MAGEC1: variants seen among roughly 807,000 people sequenced by gnomAD.
The protein encoded by MAGEC1 is MAGE family member C1.
A neutral mutation model predicts 1.5 loss-of-function variants in MAGEC1; 3 were observed. The ratio of observed to expected loss-of-function variants is 1.97; its 90% CI spans 0.90 to 5.10. MAGEC1 has a LOEUF of 5.10. MAGEC1 is among the 30% of genes most tolerant of loss of function. The probability of loss-of-function intolerance (pLI) is 0.02; values close to 1 mark genes in which losing one functional copy is unlikely to be tolerated. For synonymous variants in MAGEC1, 357 were observed against 310.4 expected (o/e 1.15, Z -1.58); for missense variants, 985 against 803.1 (o/e 1.23, Z -2.74).
In MAGEC1 at chrX:141,908,079, C is replaced by A. The variant is rs1379759152; in HGVS notation, c.2675C>A (p.Thr892Lys). Reference sequence around the variant, plus strand: ...ACCTTGCTAGAGAGTGATTCCTTGACAGACAGCGAGTCCTTGATAGAGAGC... The same window carrying A: ...ACCTTGCTAGAGAGTGATTCCTTGAAAGACAGCGAGTCCTTGATAGAGAGC... The part of the protein sequence containing the change: ...SDTLLESDSL[T>K]DSESLIESEP... Residue 892 changes from threonine (T) to lysine (K), a missense_variant, in exon 4 of 4, where the codon ACA (threonine) becomes AAA (lysine). Physicochemically the swap from Thr to Lys is moderately conservative, Grantham distance 78 (BLOSUM62 -1). Coordinates refer to ENST00000285879, the MANE Select transcript of MAGEC1 (RefSeq NM_005462.5). 1 of 1,211,941 alleles carries A rather than the reference C, an allele frequency of 8.3e-7. No homozygotes were observed. The highest frequency in any genetic ancestry group is 3.0e-5 in the East Asian group (1 of 33,826).
rs912000082 is a variant in MAGEC1 at position 141,908,265 on chromosome X, G to A, written c.2861G>A (p.Arg954His). 4 of 1,209,515 alleles carry A rather than the reference G, an allele frequency of 3.3e-6. No homozygotes were observed. Among genetic ancestry groups the A allele is most frequent in the African/African-American group, 3.5e-5 (2 of 57,019 alleles). Reference sequence around the variant, plus strand: ...TTTCCTGTGATCTTCAGGAAAGCCCGTGAGTTCATAGAGATACTTTTTGGC... The same window carrying A: ...TTTCCTGTGATCTTCAGGAAAGCCCATGAGTTCATAGAGATACTTTTTGGC... ...GYFPVIFRKA[R>H]EFIEILFGIS... is the part of the protein sequence containing the mutation. Residue 954 changes from arginine (R) to histidine (H), a missense_variant, in exon 4 of 4, where the codon CGT becomes CAT. Coordinates refer to ENST00000285879, the MANE Select transcript of MAGEC1 (RefSeq NM_005462.5).
rs1016762226 is a variant in MAGEC1, at chrX:141,906,684, C to T, written c.1280C>T (p.Ser427Phe). 8.3e-7 allele frequency: 1 copy of T among 1,201,354 alleles called. No individual in the cohort carries two copies. Among genetic ancestry groups the T allele is most frequent in the African/African-American group, 1.8e-5 (1 of 55,133 alleles). The change falls in exon 4 of 4, where the codon TCT becomes TTT. Residue 427 changes from serine to phenylalanine, a missense_variant. By Grantham distance (155) the Ser-to-Phe change is radical. Transcript: ENST00000285879. ...SSTLLSILQS[S>F]PESAQSAFEG... ...ACTTTATTGAGTATTTTACAGAGTT[C>T]TCCTGAGAGTGCTCAAAGTGCTTTT...
chrX:141,908,659 A>G lies in MAGEC1; in HGVS notation c.3255A>G (p.Val1085=), dbSNP rs866585574. ...AHSEVIKRKV[V]EFLAMLKNTV... is the part of the protein sequence containing the mutation. ...CAGAAGTCATTAAGAGGAAAGTAGT[A>G]GAGTTTTTGGCCATGCTAAAGAATA... The change falls in exon 4 of 4, where the codon GTA becomes GTG. Residue 1085 remains valine, a synonymous_variant. Transcript: ENST00000285879. The G allele has an allele frequency of 8.3e-7, 1 of 1,211,713 alleles. No individual in the cohort carries two copies.
Position 141,905,745 on chromosome X carries a change from T to G in MAGEC1, c.341T>G (p.Ile114Ser), listed in dbSNP as rs144847948. The change falls in exon 4 of 4, where the codon ATT becomes AGT. Residue 114 changes from isoleucine to serine, a missense_variant. Coordinates refer to ENST00000285879, the MANE Select transcript of MAGEC1 (RefSeq NM_005462.5). ...AAGGACTCCCTGTCTCCTCTAGAGATTTCTCAGAGCCCTCCTGAGGGTGAG... is the reference window on the plus strand; with the variant it reads ...AAGGACTCCCTGTCTCCTCTAGAGAGTTCTCAGAGCCCTCCTGAGGGTGAG... The part of the protein sequence containing the change: ...EGKDSLSPLE[I>S]SQSPPEGEDV... 1,570 of 1,210,217 alleles carry G rather than the reference T, an allele frequency of 1.3e-3. 4 individuals are homozygous for G. Among genetic ancestry groups the G allele is most frequent in the South Asian group, 2.1e-3 (121 of 56,839 alleles).
At chrX:141,904,943 G>A (rs1371443295) in intron 2 of MAGEC1, 27 bp from the exon 3 acceptor site, 47 of 1,017,928 alleles carry the variant, frequency 4.6e-5, no homozygotes, top group Non-Finnish European at 6.2e-5. Context: ...GCTGTGCCCC[G>A]AGGTGCTTTC....
Position 141,906,213 on chromosome X carries a change from T to C in MAGEC1, c.809T>C (p.Ile270Thr). The part of the protein sequence containing the change: ...FEGFAQSSLQ[I>T]PVSPSFSSTL... The stretch of plus-strand genomic sequence containing the variant: ...GGTTTTGCCCAGTCTTCTCTCCAGA[T>C]TCCTGTGAGCCCCTCCTTCTCCTCC... The change falls in exon 4 of 4, where the codon ATT becomes ACT. Residue 270 changes from isoleucine (I) to threonine (T), a missense_variant. Ile to Thr is a moderately conservative substitution (Grantham distance 89, BLOSUM62 -1). Coordinates refer to ENST00000285879, the MANE Select transcript of MAGEC1 (RefSeq NM_005462.5). 1 of 899,832 alleles carries C rather than the reference T, an allele frequency of 1.1e-6. No homozygotes were observed. The highest frequency in any genetic ancestry group is 1.5e-6 in the Non-Finnish European group (1 of 649,698). The allele number at this position is 899,832 out of a possible 1,213,427, so 74.2% of individuals were successfully genotyped here. A position where few individuals can be genotyped will look rare whatever the true frequency, so the allele number is the denominator to read the frequency against.
Position 141,905,934 on chromosome X carries a change from G to A in MAGEC1, c.530G>A (p.Ser177Asn), listed in dbSNP as rs143691209. 2.1e-3 allele frequency: 2,533 copies of A among 1,203,620 alleles called. 41 individuals carry two copies. In the African/African-American group the frequency reaches 0.039, roughly 19 times the overall value. ...VSAASSSTLV[S>N]IFQSSPESTQ... is the part of the protein sequence containing the mutation. The stretch of plus-strand genomic sequence containing the variant: ...GCCGCCTCCTCCTCCACTTTAGTGA[G>A]TATTTTCCAGAGTTCCCCTGAGAGT... Residue 177 changes from serine (S) to asparagine (N), a missense_variant, in exon 4 of 4, where the codon AGT becomes AAT. Coordinates refer to ENST00000285879, the MANE Select transcript of MAGEC1 (RefSeq NM_005462.5).
chrX:141,907,283 A>T lies in MAGEC1; in HGVS notation c.1879A>T (p.Ser627Cys). 8.3e-7 allele frequency: 1 copy of T among 1,208,183 alleles called. No individual in the cohort carries two copies. The highest frequency in any genetic ancestry group is 1.1e-6 in the Non-Finnish European group (1 of 894,303). The change falls in exon 4 of 4, where the codon AGC (serine) becomes TGC (cysteine). Residue 627 changes from serine to cysteine, a missense_variant. Transcript: ENST00000285879. The part of the protein sequence containing the change: ...QGEEFQSSLQ[S>C]PVSICSSSTP... Reference sequence around the variant, plus strand: ...GGAGGAATTCCAGTCTTCTCTCCAGAGCCCTGTGAGCATCTGCTCCTCCTC... The same window carrying T: ...GGAGGAATTCCAGTCTTCTCTCCAGTGCCCTGTGAGCATCTGCTCCTCCTC...
chrX:141,906,174 AGAG>A lies in MAGEC1; in HGVS notation c.771_773del (p.Gln257_Ser258delinsHis). 1.5e-6 allele frequency: 1 copy of A among 689,478 alleles called. No homozygotes were observed. The highest frequency in any genetic ancestry group is 2.1e-6 in the Non-Finnish European group (1 of 469,303). The allele number at this position is 689,478 out of a possible 1,213,427, so 56.8% of individuals were successfully genotyped here. A position where few individuals can be genotyped will look rare whatever the true frequency, so the allele number is the denominator to read the frequency against. The stretch of plus-strand genomic sequence containing the variant: ...TTCCAGAGTTTCTCTGAGAGAACTC[AGAG>A]TACTTTTGAGGGTTTTGCCCAGTCT... On this transcript the variant is annotated inframe_deletion, in exon 4 of 4. Transcript: ENST00000285879.
In MAGEC1 at chrX:141,905,878, TCCCCAG is replaced by T; in HGVS notation, c.475_480del (p.Pro159_Gln160del). 8.3e-7 allele frequency: 1 copy of T among 1,198,799 alleles called. No individual in the cohort carries two copies. ...GTACTCAAAGTCCTTTTGAGGGTTT[TCCCCAG>T]TCTGTTCTCCAGATTCCTGTGAGCG... On this transcript the variant is annotated inframe_deletion, in exon 4 of 4. Coordinates refer to ENST00000285879, the MANE Select transcript of MAGEC1 (RefSeq NM_005462.5).
In MAGEC1 at chrX:141,908,957, A is replaced by G. The variant is rs1927046860; in HGVS notation, c.*124A>G. The G allele has an allele frequency of 3.7e-6, 2 of 541,872 alleles. No individual in the cohort carries two copies. Among genetic ancestry groups the G allele is most frequent in the Non-Finnish European group, 2.8e-6 (1 of 359,640 alleles). The allele number at this position is 541,872 out of a possible 1,213,427, so 44.7% of individuals were successfully genotyped here. A position where few individuals can be genotyped will look rare whatever the true frequency, so the allele number is the denominator to read the frequency against. ...GCATTTCTGTTCCATATGGGTAGTTATGGGGTTTACCTGTTTTACTTTTGG... is the reference window on the plus strand; with the variant it reads ...GCATTTCTGTTCCATATGGGTAGTTGTGGGGTTTACCTGTTTTACTTTTGG... On this transcript the variant is annotated 3_prime_UTR_variant, in exon 4 of 4. Transcript: ENST00000285879.
chrX:141,907,131 C>T lies in MAGEC1; in HGVS notation c.1727C>T (p.Ser576Phe), dbSNP rs1926955925. ...QSPPQGEDSL[S>F]PHYFPQSPQG... is the part of the protein sequence containing the mutation. ...CCTCCTCAGGGGGAGGACTCCCTGTCTCCTCACTACTTTCCTCAGAGCCCT... is the reference window on the plus strand; with the variant it reads ...CCTCCTCAGGGGGAGGACTCCCTGTTTCCTCACTACTTTCCTCAGAGCCCT... Residue 576 changes from serine (S) to phenylalanine (F), a missense_variant, in exon 4 of 4, where the codon TCT (serine) becomes TTT (phenylalanine). Ser to Phe is a radical substitution (Grantham distance 155). Transcript: ENST00000285879. 1.7e-6 allele frequency: 2 copies of T among 1,204,447 alleles called. No homozygotes were observed. The highest frequency in any genetic ancestry group is 1.1e-6 in the Non-Finnish European group (1 of 892,157).
chrX:141,908,946 T>A lies in MAGEC1; in HGVS notation c.*113T>A. 1.8e-6 allele frequency: 1 copy of A among 568,913 alleles called. No individual in the cohort carries two copies. Among genetic ancestry groups the A allele is most frequent in the Non-Finnish European group, 2.6e-6 (1 of 378,145 alleles). The allele number at this position is 568,913 out of a possible 1,213,427, so 46.9% of individuals were successfully genotyped here. A position where few individuals can be genotyped will look rare whatever the true frequency, so the allele number is the denominator to read the frequency against. On this transcript the variant is annotated 3_prime_UTR_variant, in exon 4 of 4. Transcript: ENST00000285879. ...CAGTGCTATTTGCATTTCTGTTCCA[T>A]ATGGGTAGTTATGGGGTTTACCTGT...
In MAGEC1 at chrX:141,905,881, C is replaced by G; in HGVS notation, c.477C>G (p.Pro159=). 8.3e-7 allele frequency: 1 copy of G among 1,198,116 alleles called. No homozygotes were observed. The highest frequency in any genetic ancestry group is 1.1e-6 in the Non-Finnish European group (1 of 888,519). Residue 159 remains proline, a synonymous_variant, in exon 4 of 4, where the codon CCC becomes CCG. Transcript: ENST00000285879. ...ESTQSPFEGF[P]QSVLQIPVSA... ...CTCAAAGTCCTTTTGAGGGTTTTCC[C>G]CAGTCTGTTCTCCAGATTCCTGTGA...
At position 141,905,701 on chromosome X, in the gene MAGEC1, TCA is replaced by T; in HGVS notation, c.298_299del (p.Gln100GlufsTer4). 8.3e-7 allele frequency: 1 copy of T among 1,211,112 alleles called. No homozygotes were observed. Reference sequence around the variant, plus strand: ...ACACCCAGTCTCCTCTCCAGAATTCTCAGAGTTCTCCTGAGGGGAAGGACTCC... The same window carrying T: ...ACACCCAGTCTCCTCTCCAGAATTCTGAGTTCTCCTGAGGGGAAGGACTCC... ...DDTQSPLQNS[Q>X]SSPEGKDSLS... On this transcript the variant is annotated frameshift_variant, in exon 4 of 4. Transcript: ENST00000285879. LOFTEE classifies it low-confidence loss of function (END_TRUNC).
Position 141,908,766 on chromosome X carries a change from C to G in MAGEC1, c.3362C>G (p.Thr1121Arg). The G allele has an allele frequency of 8.3e-7, 1 of 1,210,358 alleles. No individual in the cohort carries two copies. The change falls in exon 4 of 4, where the codon ACA (threonine) becomes AGA (arginine). Residue 1121 changes from threonine (T) to arginine (R), a missense_variant. Coordinates refer to ENST00000285879, the MANE Select transcript of MAGEC1 (RefSeq NM_005462.5). ...AGAGCCCAGGCCATAATTGACACCA[C>G]AGATGATTCGACTGCCACAGAAAGT... ...EERAQAIIDT[T>R]DDSTATESAS...
chrX:141,907,351 G>C lies in MAGEC1; in HGVS notation c.1947G>C (p.Gln649His), dbSNP rs763897472. The C allele has an allele frequency of 1.0e-5, 12 of 1,204,168 alleles. No individual in the cohort carries two copies. The South Asian group carries it at 1.8e-4, about 18-fold the overall frequency. ...CCCAGAGTTTCCCTGAGAGTTCTCA[G>C]AGTCCTCCTGAGGGGCCTGTCCAGT... is the stretch of plus-strand genomic sequence containing the variant. ...SLPQSFPESS[Q>H]SPPEGPVQSP... Residue 649 changes from glutamine to histidine, a missense_variant, in exon 4 of 4, where the codon CAG becomes CAC. Gln to His is a conservative substitution (Grantham distance 24). Coordinates refer to ENST00000285879, the MANE Select transcript of MAGEC1 (RefSeq NM_005462.5).
In MAGEC1 at chrX:141,906,883, T is replaced by G. The variant is rs768768164; in HGVS notation, c.1479T>G (p.Ser493Arg). The change falls in exon 4 of 4, where the codon AGT becomes AGG. Residue 493 changes from serine (S) to arginine (R), a missense_variant. Coordinates refer to ENST00000285879, the MANE Select transcript of MAGEC1 (RefSeq NM_005462.5). ...SSSSSSSTLL[S>R]LFQSSPECTQ... ...CCTCCTCCTCCTCCACTTTATTGAGTCTTTTCCAGAGTTCCCCTGAGTGTA... is the reference window on the plus strand; with the variant it reads ...CCTCCTCCTCCTCCACTTTATTGAGGCTTTTCCAGAGTTCCCCTGAGTGTA... 1.7e-6 allele frequency: 2 copies of G among 1,211,087 alleles called. No homozygotes were observed. The highest frequency in any genetic ancestry group is 3.5e-5 in the South Asian group (2 of 56,904).
chrX:141,908,138 G>A lies in MAGEC1; in HGVS notation c.2734G>A (p.Val912Met). 1.7e-6 allele frequency: 2 copies of A among 1,211,947 alleles called. No individual in the cohort carries two copies. Among genetic ancestry groups the A allele is most frequent in the Non-Finnish European group, 2.2e-6 (2 of 895,575 alleles). Residue 912 changes from valine (V) to methionine (M), a missense_variant, in exon 4 of 4, where the codon GTG becomes ATG. Val to Met is a conservative substitution (Grantham distance 21, BLOSUM62 1). Transcript: ENST00000285879. ...GTTCACTTATACACTGGATGAAAAG[G>A]TGGACGAGTTGGCGCGGTTTCTTCT... Reference protein sequence around the residue: ...PLFTYTLDEKVDELARFLLLK... With the variant: ...PLFTYTLDEKMDELARFLLLK...
Sources: allele counts gnomAD v4.1 joint callset, GRCh38; gene constraint gnomAD v4.1.1; transcripts MANE v1.5; gene names NCBI Gene and HGNC (gene_info 2026-07-23, HGNC 2026-07-21).